ATP10A: variants seen among roughly 807,000 people sequenced by gnomAD.
The protein encoded by ATP10A is ATPase phospholipid transporting 10A (putative).
A neutral mutation model predicts 147.8 loss-of-function variants in ATP10A; 111 were observed. The ratio of observed to expected loss-of-function variants is 0.75; its 90% CI spans 0.64 to 0.88. The LOEUF (loss-of-function observed/expected upper bound fraction) is 0.88. ATP10A is among the 40% of genes least tolerant of loss of function. The probability of loss-of-function intolerance (pLI) is 0.00; values close to 1 mark genes in which losing one functional copy is unlikely to be tolerated. For synonymous variants in ATP10A, 875 were observed against 841.6 expected (o/e 1.04, Z -0.69); for missense variants, 1,927 against 1,959.0 (o/e 0.98, Z 0.31).
At chr15:25,716,318 G>A (rs1480512451) in intron 9 of ATP10A, among the ~76,000 whole-genome samples, 2 of 152,080 alleles carry the variant, frequency 1.3e-5, no homozygotes, top group African/African-American at 4.8e-5. Flanking sequence ...GGACCCTGAG[G>A]CTCGGGGAGG....
chr15:25,773,258 G>A (rs767580482), intron 2 of ATP10A, among the ~76,000 whole-genome samples: 2 of 152,172 alleles, frequency 1.3e-5, no homozygotes, highest in Non-Finnish European at 2.9e-5. Flanking sequence ...CACTTGAGGA[G>A]CACTCGCAAA....
intron 17 of ATP10A, among the ~76,000 whole-genome samples, chr15:25,682,865 A>C (rs1271059509): frequency 6.6e-6 from 1 of 152,220 alleles, no homozygotes; most frequent in African/African-American, 2.4e-5. Context: ...CAGTGTGTGA[A>C]TCTATGTGGT....
intron 1 of ATP10A, among the ~76,000 whole-genome samples, chr15:25,803,766 T>C (rs998433087): frequency 2.6e-5 from 4 of 152,196 alleles, no homozygotes; most frequent in African/African-American, 4.8e-5. Flanking sequence ...ACCCAGTCTT[T>C]ACCATGATGG....
chr15:25,836,152 T>C (rs374328560), intron 1 of ATP10A, among the ~76,000 whole-genome samples: 2 of 152,206 alleles, frequency 1.3e-5, no homozygotes, highest in Non-Finnish European at 2.9e-5. Flanking sequence ...TCTCACTATG[T>C]TGGCCAGGCT....
At chr15:25,847,008 C>T (rs552814438) in intron 1 of ATP10A, among the ~76,000 whole-genome samples, 1 of 152,230 alleles carries the variant, frequency 6.6e-6, no homozygotes, top group East Asian at 1.9e-4. Context: ...AATGAACCAG[C>T]TACACTAAAA....
intron 2 of ATP10A, among the ~76,000 whole-genome samples, chr15:25,779,398 C>T (rs1889784150): frequency 6.6e-6 from 1 of 152,242 alleles, no homozygotes; most frequent in Admixed American, 6.5e-5. Context: ...GAGCTATCAG[C>T]CCTCTGCCTG....
chr15:25,681,536 A>C (rs1342452557), intron 17 of ATP10A, among the ~76,000 whole-genome samples: 1 of 152,168 alleles, frequency 6.6e-6, no homozygotes, highest in Non-Finnish European at 1.5e-5. Flanking sequence ...TTTGCTATTT[A>C]GGTTGACACC....
chr15:25,736,711 T>C (rs750542654), intron 2 of ATP10A, among the ~76,000 whole-genome samples: 3 of 151,910 alleles, frequency 2.0e-5, no homozygotes, highest in African/African-American at 4.8e-5. Flanking sequence ...CATTGATAGA[T>C]AAAACAGAGC....
At position 25,728,852 on chromosome 15, in the gene ATP10A, G is replaced by A. The variant is rs1185894587; in HGVS notation, c.741-1586C>T. ...CTATACAGGTCCATGCCAGAAGGAA[G>A]AGCGAATGCGAGGGGTTGGGAACGT... On this transcript the variant is annotated intron_variant, in intron 3 of 20. Coordinates refer to ENST00000555815, the MANE Select transcript of ATP10A (RefSeq NM_024490.4). Among the ~76,000 whole-genome samples, 3 of 152,196 alleles carry A rather than the reference G, an allele frequency of 2.0e-5. No individual in the cohort carries two copies. The East Asian group carries it at 5.8e-4, about 29-fold the overall frequency.
chr15:25,778,318 A>T (rs1168390968), intron 2 of ATP10A, among the ~76,000 whole-genome samples: 1 of 152,210 alleles, frequency 6.6e-6, no homozygotes, highest in Admixed American at 6.5e-5. Flanking sequence ...CAAAAAAACT[A>T]ATTGAAACAC....
chr15:25,725,465 A>G (rs945044410), intron 5 of ATP10A, among the ~76,000 whole-genome samples: 3 of 152,138 alleles, frequency 2.0e-5, no homozygotes, highest in Non-Finnish European at 4.4e-5. Flanking sequence ...ACCGAAGGAC[A>G]GCTATACTCT....
At chr15:25,779,450 C>G (rs2077422832) in intron 2 of ATP10A, among the ~76,000 whole-genome samples, 1 of 152,166 alleles carries the variant, frequency 6.6e-6, no homozygotes, top group African/African-American at 2.4e-5. Context: ...AGAGGGGATG[C>G]TGTCCCTGGC....
intron 16 of ATP10A, among the ~76,000 whole-genome samples, chr15:25,684,434 C>T (rs188513786): frequency 7.2e-5 from 11 of 152,300 alleles, no homozygotes; most frequent in Middle Eastern, 3.4e-3. Flanking sequence ...GAGCGTGAAG[C>T]GACCCAGTAC....
In ATP10A at chr15:25,714,242, C is replaced by A; in HGVS notation, c.1777-1G>T. 6.3e-7 allele frequency: 1 copy of A among 1,599,066 alleles called. No homozygotes were observed. Among genetic ancestry groups the A allele is most frequent in the Non-Finnish European group, 8.5e-7 (1 of 1,179,908 alleles). ...ACTTCAGCTCAAACCTCACCCTCAC[C>A]TGCAAGAGAAATGGTCAGAAGGCAG... On this transcript the variant is annotated splice_acceptor_variant, in intron 9 of 20. Transcript: ENST00000555815. LOFTEE classifies it high-confidence loss of function.
intron 2 of ATP10A, among the ~76,000 whole-genome samples, chr15:25,766,384 T>C (rs1342056776): frequency 6.6e-6 from 1 of 152,112 alleles, no homozygotes; most frequent in Non-Finnish European, 1.5e-5. Flanking sequence ...CAAAGCTCAC[T>C]CTCCATGCCA....
chr15:25,702,286 C>A (rs879549009), intron 12 of ATP10A, among the ~76,000 whole-genome samples, 186 bp from the exon 13 acceptor site: 3 of 152,228 alleles, frequency 2.0e-5, no homozygotes, highest in Non-Finnish European at 2.9e-5. Flanking sequence ...CCCTGTGGAA[C>A]CATTTCAGGA....
chr15:25,847,691 AGT>A (rs1301220174), intron 1 of ATP10A, among the ~76,000 whole-genome samples: 3 of 126,216 alleles, frequency 2.4e-5, no homozygotes, highest in Non-Finnish European at 4.7e-5. Flanking sequence ...GGAGTGCAGT[AGT>A]GCAATCATAA....
At chr15:25,745,805 A>G (rs1250950849) in intron 2 of ATP10A, among the ~76,000 whole-genome samples, 2 of 152,222 alleles carry the variant, frequency 1.3e-5, no homozygotes, top group African/African-American at 4.8e-5. Flanking sequence ...GAAAGAGAAT[A>G]CAAATCAATT....
intron 16 of ATP10A, among the ~76,000 whole-genome samples, chr15:25,684,246 A>T (rs781559622): frequency 4.2e-4 from 64 of 152,208 alleles, no homozygotes; most frequent in Admixed American, 2.2e-3. Context: ...CTATTGCTAG[A>T]TTCCTGAATA....
Sources: allele counts gnomAD v4.1 joint callset (sites outside exome capture counted in the v4.1 genomes callset), GRCh38; gene constraint gnomAD v4.1.1; transcripts MANE v1.5; gene names NCBI Gene and HGNC (gene_info 2026-07-23, HGNC 2026-07-21).